FRAS1: variants seen among roughly 807,000 people sequenced by gnomAD.
FRAS1 encodes the protein extracellular matrix organizing protein FRAS1.
Under a neutral mutation model 435.2 loss-of-function variants are expected in FRAS1, and 290 were observed. The observed-to-expected ratio is 0.67, with a 90% CI of 0.61 to 0.73. The LOEUF is 0.73. Ranked by LOEUF, FRAS1 falls within the 30% of genes least tolerant of loss-of-function variation. The pLI is 0.00. For synonymous variants in FRAS1, 1,800 were observed against 1,851.0 expected, an observed-to-expected ratio of 0.97 and a Z score of 0.71; for missense variants, 4,860 against 5,001.5, an observed-to-expected ratio of 0.97 and a Z score of 0.85.
intron 34 of FRAS1, 34 bp from the exon 35 acceptor site, chr4:78,424,354 T>C: frequency 1.5e-6 from 2 of 1,309,520 alleles, no homozygotes; most frequent in Non-Finnish European, 1.0e-6. Context: ...TCCCAAAGTG[T>C]TTAATATACT....
rs528612460 is a variant in FRAS1, at chr4:78,148,220, C to T, written c.108+82204C>T. 2.6e-5 allele frequency among the ~76,000 whole-genome samples: 4 copies of T among 152,048 alleles called. No individual in the cohort carries two copies. The South Asian group carries it at 8.3e-4, about 32-fold the overall frequency. On this transcript the variant is annotated intron_variant, in intron 2 of 73. Coordinates refer to ENST00000512123, the MANE Select transcript of FRAS1 (RefSeq NM_025074.7). ...CTACAAAGACTCGTAGAATCATATA[C>T]TTTTGGACCTGGAAAGTAGCTTAAG...
At chr4:78,358,848 A>C (rs1422588277) in intron 20 of FRAS1, among the ~76,000 whole-genome samples, 1 of 152,206 alleles carries the variant, frequency 6.6e-6, no homozygotes, top group Non-Finnish European at 1.5e-5. Flanking sequence ...GTCGCTGCTA[A>C]AAATGATGTT....
At position 78,387,361 on chromosome 4, in the gene FRAS1, C is replaced by A; in HGVS notation, c.3649-14C>A. ...TTCCCTCTTAACTGACTCTTCTTCC[C>A]TTCAACTCCACAGGCCCCCTATGTG... On this transcript the variant is annotated splice_polypyrimidine_tract_variant and intron_variant, in intron 28 of 73. Coordinates refer to ENST00000512123, the MANE Select transcript of FRAS1 (RefSeq NM_025074.7). 6.3e-7 allele frequency: 1 copy of A among 1,582,100 alleles called. No homozygotes were observed. Among genetic ancestry groups the A allele is most frequent in the South Asian group, 1.2e-5 (1 of 85,454 alleles).
intron 64 of FRAS1, among the ~76,000 whole-genome samples, chr4:78,512,467 C>T (rs1192466157): frequency 6.6e-6 from 1 of 152,100 alleles, no homozygotes; most frequent in Non-Finnish European, 1.5e-5. Context: ...AGTATATAAA[C>T]TCAAAACACA....
At chr4:78,245,616 T>A (rs1725206109) in intron 4 of FRAS1, among the ~76,000 whole-genome samples, 1 of 152,184 alleles carries the variant, frequency 6.6e-6, no homozygotes, top group South Asian at 2.1e-4. Flanking sequence ...CTACATACAT[T>A]TTAAATTTGA....
At chr4:78,263,519 A>G (rs536785273) in intron 6 of FRAS1, among the ~76,000 whole-genome samples, 8 of 152,304 alleles carry the variant, frequency 5.3e-5, no homozygotes, top group African/African-American at 1.9e-4. Context: ...ATGCCTATTC[A>G]AGATTTGTGA....
At chr4:78,171,091 T>C (rs1306471823) in intron 2 of FRAS1, among the ~76,000 whole-genome samples, 1 of 152,150 alleles carries the variant, frequency 6.6e-6, no homozygotes, top group Non-Finnish European at 1.5e-5. Context: ...ACCTATGAGG[T>C]AGCTTGTCTG....
intron 67 of FRAS1, 67 bp from the exon 68 acceptor site, chr4:78,521,456 T>A (rs1200363063): frequency 3.0e-6 from 3 of 999,408 alleles, no homozygotes; most frequent in East Asian, 4.8e-5. Flanking sequence ...TGGGATAACT[T>A]ATATGTGGTT....
chr4:78,236,275 A>T (rs912265740), intron 2 of FRAS1, among the ~76,000 whole-genome samples: 11 of 133,394 alleles, frequency 8.2e-5, no homozygotes, highest in African/African-American at 3.0e-4. Flanking sequence ...AAGATGAGCC[A>T]TGAAATAGTT....
intron 47 of FRAS1, among the ~76,000 whole-genome samples, chr4:78,461,249 C>A (rs1261911856): frequency 1.3e-5 from 2 of 152,130 alleles, no homozygotes; most frequent in Non-Finnish European, 2.9e-5. Context: ...TTCACATTCT[C>A]TTTAATAGGC....
chr4:78,091,110 G>A (rs1414932866), intron 2 of FRAS1, among the ~76,000 whole-genome samples: 11 of 152,080 alleles, frequency 7.2e-5, no homozygotes, highest in East Asian at 3.8e-4. Flanking sequence ...TAGTTTCACC[G>A]CTGTTTGAAA....
At chr4:78,395,694 T>C (rs1732630305) in intron 29 of FRAS1, among the ~76,000 whole-genome samples, 1 of 152,076 alleles carries the variant, frequency 6.6e-6, no homozygotes, top group African/African-American at 2.4e-5. Flanking sequence ...TTTTGGTTTT[T>C]ATTTGCATGG....
chr4:78,118,816 A>G (rs1578136451), intron 2 of FRAS1, among the ~76,000 whole-genome samples: 1 of 151,812 alleles, frequency 6.6e-6, no homozygotes, highest in Non-Finnish European at 1.5e-5. Context: ...GGTGCGCTGC[A>G]CTCACTGTCC....
At chr4:78,386,615 A>G in intron 28 of FRAS1, among the ~76,000 whole-genome samples, 1 of 152,102 alleles carries the variant, frequency 6.6e-6, no homozygotes, top group Admixed American at 6.5e-5. Context: ...TTCAAATGAT[A>G]TTTTTTTAAA....
intron 63 of FRAS1, among the ~76,000 whole-genome samples, chr4:78,510,505 G>T (rs1490158262): frequency 2.0e-5 from 3 of 152,148 alleles, no homozygotes; most frequent in African/African-American, 7.2e-5. Context: ...TTGTTTTCAT[G>T]GGTAAAATGT....
chr4:78,205,943 C>T (rs1266732206), intron 2 of FRAS1, among the ~76,000 whole-genome samples: 1 of 151,976 alleles, frequency 6.6e-6, no homozygotes, highest in African/African-American at 2.4e-5. Flanking sequence ...CTTGGACAGA[C>T]CTTTCATCCA....
chr4:78,425,630 G>C (rs1456464576), intron 35 of FRAS1, among the ~76,000 whole-genome samples: 3 of 152,114 alleles, frequency 2.0e-5, no homozygotes. Context: ...GTAAATTTCA[G>C]TGTTGTGTTA....
rs1290006006 is a variant in FRAS1, at chr4:78,113,876, TG to T, written c.108+47862del. On this transcript the variant is annotated intron_variant, in intron 2 of 73. Coordinates refer to ENST00000512123, the MANE Select transcript of FRAS1 (RefSeq NM_025074.7). ...TTTTGGCTTTTGTTGCCATTGCTTTTGGTGTATTAGACATGAAGTCCTTGCC... is the reference window on the plus strand; with the variant it reads ...TTTTGGCTTTTGTTGCCATTGCTTTTGTGTATTAGACATGAAGTCCTTGCC... Among the ~76,000 whole-genome samples, 3 of 152,240 alleles carry T rather than the reference TG, an allele frequency of 2.0e-5. 1 individual carries two copies. The highest frequency in any genetic ancestry group is 4.1e-4 in the South Asian group (2 of 4,830).
intron 2 of FRAS1, among the ~76,000 whole-genome samples, chr4:78,086,461 C>T (rs556784294): frequency 7.9e-5 from 12 of 151,938 alleles, no homozygotes; most frequent in African/African-American, 2.7e-4. Flanking sequence ...CACAAAAAAC[C>T]GTTCAAAAAA....
Sources: gnomAD v4.1 joint callset for allele counts (sites outside exome capture counted in the v4.1 genomes callset) on GRCh38, gnomAD v4.1.1 for gene constraint, MANE v1.5 for transcripts, NCBI Gene and HGNC (gene_info 2026-07-23, HGNC 2026-07-21) for gene names.